Variants in SNX24 observed in about 807,000 individuals in gnomAD.
SNX24 encodes the protein sorting nexin 24.
SNX24 carries 22 observed loss-of-function variants against 28.7 expected under a neutral mutation model. The observed-to-expected ratio is 0.77, with a 90% CI of 0.55 to 1.10. SNX24 has a LOEUF of 1.10. Among genes scored for constraint, SNX24 ranks in the 50% least tolerant of loss-of-function variants. SNX24 has a pLI of 0.00. For synonymous variants in SNX24, 69 were observed against 71.5 expected (o/e 0.96, Z 0.18); for missense variants, 221 against 201.1 (o/e 1.10, Z -0.60).
intron 1 of SNX24, among the ~76,000 whole-genome samples, chr5:122,916,399 C>T (rs1758167022): frequency 6.6e-6 from 1 of 152,154 alleles, no homozygotes; most frequent in Non-Finnish European, 1.5e-5. Context: ...TCCTGGGGGG[C>T]CTGCTTTGTT....
intron 1 of SNX24, among the ~76,000 whole-genome samples, chr5:122,884,603 C>G: frequency 6.6e-6 from 1 of 152,120 alleles, no homozygotes; most frequent in East Asian, 1.9e-4. Flanking sequence ...AATCTGTACT[C>G]TATAATTACA....
At chr5:122,967,205 G>T (rs1376155834) in intron 3 of SNX24, among the ~76,000 whole-genome samples, 2 of 152,108 alleles carry the variant, frequency 1.3e-5, no homozygotes, top group African/African-American at 2.4e-5. Context: ...CTCTCTGCAG[G>T]TGCTTTACCC....
intron 1 of SNX24, among the ~76,000 whole-genome samples, chr5:122,924,512 C>T (rs907907583): frequency 6.6e-6 from 1 of 152,158 alleles, no homozygotes; most frequent in African/African-American, 2.4e-5. Flanking sequence ...CCACTCTACT[C>T]AGTACAGTGT....
chr5:122,975,867 C>T (rs1435135979), intron 3 of SNX24, among the ~76,000 whole-genome samples: 1 of 152,098 alleles, frequency 6.6e-6, no homozygotes, highest in Non-Finnish European at 1.5e-5. Flanking sequence ...ATAATCATTC[C>T]CATATACCTT....
intron 1 of SNX24, among the ~76,000 whole-genome samples, chr5:122,892,235 C>G (rs1157434790): frequency 6.6e-6 from 1 of 152,042 alleles, no homozygotes; most frequent in South Asian, 2.1e-4. Context: ...CACACACATG[C>G]ACTGTGCACA....
chr5:123,009,799 C>G (rs936397649), downstream of SNX24, among the ~76,000 whole-genome samples: 1 of 152,162 alleles, frequency 6.6e-6, no homozygotes, highest in Non-Finnish European at 1.5e-5. Flanking sequence ...GGTAGGTGTC[C>G]AAGAACAAAT....
intron 1 of SNX24, among the ~76,000 whole-genome samples, chr5:122,926,978 C>T (rs1478651636): frequency 1.3e-5 from 2 of 152,214 alleles, no homozygotes; most frequent in Non-Finnish European, 2.9e-5. Flanking sequence ...TTTTCCCTAC[C>T]TATCAACAGC....
At chr5:122,861,130 A>G (rs1430676987) in intron 1 of SNX24, among the ~76,000 whole-genome samples, 1 of 151,904 alleles carries the variant, frequency 6.6e-6, no homozygotes, top group Non-Finnish European at 1.5e-5. Flanking sequence ...ACTTGAGGTC[A>G]GGAGTTTGAG....
At chr5:122,901,724 T>TCATA (rs559363342) in intron 1 of SNX24, among the ~76,000 whole-genome samples, 153 of 152,262 alleles carry the variant, frequency 1.0e-3, no homozygotes, top group Non-Finnish European at 1.7e-3. Flanking sequence ...CTTGGATGTG[T>TCATA]CATACACACA....
intron 1 of SNX24, among the ~76,000 whole-genome samples, chr5:122,883,894 A>G (rs1337520966): frequency 1.3e-5 from 2 of 152,140 alleles, no homozygotes; most frequent in African/African-American, 2.4e-5. Context: ...GGCTCAAGCA[A>G]TCCTCTCACC....
intron 3 of SNX24, among the ~76,000 whole-genome samples, chr5:122,962,117 A>C (rs1000524154): frequency 6.6e-6 from 1 of 152,200 alleles, no homozygotes; most frequent in Non-Finnish European, 1.5e-5. Flanking sequence ...GGCCTGCATT[A>C]TAACTATGGA....
At chr5:122,956,157 T>G (rs1017229679) in intron 3 of SNX24, among the ~76,000 whole-genome samples, 7 of 151,988 alleles carry the variant, frequency 4.6e-5, no homozygotes, top group Non-Finnish European at 1.0e-4. Context: ...AAAGATAAAA[T>G]TCATCACTGT....
chr5:122,871,685 A>G (rs967244790), intron 1 of SNX24, among the ~76,000 whole-genome samples: 1 of 152,010 alleles, frequency 6.6e-6, no homozygotes, highest in Admixed American at 6.6e-5. Flanking sequence ...CAGGAGAATC[A>G]CTTGAACGTG....
intron 3 of SNX24, among the ~76,000 whole-genome samples, chr5:122,954,778 T>A (rs1361994633): frequency 4.6e-5 from 7 of 152,150 alleles, no homozygotes; most frequent in African/African-American, 1.7e-4. Flanking sequence ...GGTGTTATTT[T>A]AAAAAGGCTG....
intron 5 of SNX24, among the ~76,000 whole-genome samples, chr5:123,024,576 T>G (rs902401278): frequency 3.3e-5 from 5 of 152,198 alleles, no homozygotes; most frequent in Admixed American, 6.5e-5. Flanking sequence ...CCTGGAAGGC[T>G]TCACAAGCCC....
At chr5:122,882,971 T>TTGAGTGGAGGAA (rs1702984677) in intron 1 of SNX24, among the ~76,000 whole-genome samples, 1 of 151,850 alleles carries the variant, frequency 6.6e-6, no homozygotes, top group Admixed American at 6.6e-5. Context: ...ACAGAATGGC[T>TTGAGTGGAGGAA]TGAGTGGAGG....
chr5:122,864,704 G>A (rs1050710411), intron 1 of SNX24, among the ~76,000 whole-genome samples: 1 of 152,216 alleles, frequency 6.6e-6, no homozygotes, highest in Non-Finnish European at 1.5e-5. Context: ...GATGTGGGTG[G>A]TGCCAGCTGA....
intron 1 of SNX24, among the ~76,000 whole-genome samples, chr5:122,915,273 C>T (rs1443456449): frequency 6.6e-6 from 1 of 152,182 alleles, no homozygotes; most frequent in African/African-American, 2.4e-5. Context: ...GTAGTAACTT[C>T]CTACTCCATC....
chr5:123,007,658 T>TC, intron 6 of SNX24, 24 bp from the exon 7 acceptor site: 1 of 1,538,392 alleles, frequency 6.5e-7, no homozygotes, highest in Non-Finnish European at 8.8e-7. Flanking sequence ...CTTTTTTTTT[T>TC]CTTTTTTTTT....
Sources: allele counts gnomAD v4.1 joint callset (sites outside exome capture counted in the v4.1 genomes callset), GRCh38; gene constraint gnomAD v4.1.1; transcripts MANE v1.5; gene names NCBI Gene and HGNC (gene_info 2026-07-23, HGNC 2026-07-21).